TANC1: variants seen among roughly 807,000 people sequenced by gnomAD.
TANC1 encodes tetratricopeptide repeat, ankyrin repeat and coiled-coil containing 1.
In TANC1, 77 loss-of-function variants were observed where a neutral mutation model predicts 149.7. That is an observed-to-expected ratio of 0.51 (90% CI 0.43 to 0.62). The LOEUF is 0.62. Among genes scored for constraint, TANC1 ranks in the 20% least tolerant of loss-of-function variants. TANC1 has a pLI of 0.00. For missense variants in TANC1, 1,985 were observed against 2,321.8 expected, an observed-to-expected ratio of 0.85 and a Z score of 2.98; for synonymous variants, 854 against 925.0, an observed-to-expected ratio of 0.92 and a Z score of 1.39.
chr2:159,144,641 T>G (rs944561928), intron 5 of TANC1, among the ~76,000 whole-genome samples: 1 of 152,188 alleles, frequency 6.6e-6, no homozygotes, highest in Non-Finnish European at 1.5e-5. Flanking sequence ...AGGTGATCCA[T>G]CTGCCTCGGC....
intron 2 of TANC1, among the ~76,000 whole-genome samples, chr2:159,019,990 A>C (rs186292507): frequency 6.2e-4 from 94 of 152,148 alleles, no homozygotes; most frequent in Non-Finnish European, 9.0e-4. Context: ...TTCACAGAAA[A>C]TCTAATTTAA....
At chr2:159,093,404 T>C (rs2149876155) in intron 3 of TANC1, among the ~76,000 whole-genome samples, 1 of 152,358 alleles carries the variant, frequency 6.6e-6, no homozygotes, top group Non-Finnish European at 1.5e-5. Flanking sequence ...ATCTCTGGTG[T>C]CTTGTTGCCC....
At chr2:159,077,772 G>A (rs188173081) in intron 3 of TANC1, among the ~76,000 whole-genome samples, 2 of 152,258 alleles carry the variant, frequency 1.3e-5, no homozygotes. Context: ...CAGTTCTAGA[G>A]TGAATCTCCT....
intron 3 of TANC1, among the ~76,000 whole-genome samples, chr2:159,078,273 T>C (rs2043898582): frequency 6.6e-6 from 1 of 152,252 alleles, no homozygotes; most frequent in African/African-American, 2.4e-5. Context: ...AATTTCTTAC[T>C]CTCTCCTACC....
At chr2:159,028,555 A>C (rs2039535065) in intron 2 of TANC1, among the ~76,000 whole-genome samples, 1 of 152,240 alleles carries the variant, frequency 6.6e-6, no homozygotes, top group South Asian at 2.1e-4. Flanking sequence ...TTACAAAACA[A>C]AACACATGAG....
chr2:159,005,597 T>G (rs1222887835), intron 2 of TANC1, among the ~76,000 whole-genome samples: 1 of 152,042 alleles, frequency 6.6e-6, no homozygotes, highest in African/African-American at 2.4e-5. Flanking sequence ...CAAAAAAAAG[T>G]AAAATTTCTG....
Position 159,224,378 on chromosome 2 carries a change from G to A in TANC1, c.3811+14G>A. The A allele has an allele frequency of 6.2e-7, 1 of 1,614,040 alleles. No homozygotes were observed. The highest frequency in any genetic ancestry group is 8.5e-7 in the Non-Finnish European group (1 of 1,179,994). Reference sequence around the variant, plus strand: ...GAGCCAAGTTAGGTCAGTGAGCACTGCCTCCATTGAGCAGGAGGAGCGGTG... The same window carrying A: ...GAGCCAAGTTAGGTCAGTGAGCACTACCTCCATTGAGCAGGAGGAGCGGTG... On this transcript the variant is annotated intron_variant, in intron 23 of 26. Transcript: ENST00000263635.
At chr2:159,077,087 C>G (rs549755933) in intron 3 of TANC1, among the ~76,000 whole-genome samples, 1 of 151,504 alleles carries the variant, frequency 6.6e-6, no homozygotes, top group African/African-American at 2.4e-5. Flanking sequence ...TAGACAGGGT[C>G]TTGCTTTGTC....
chr2:159,179,187 C>A, intron 14 of TANC1, 24 bp downstream of exon 14: 2 of 1,588,106 alleles, frequency 1.3e-6, no homozygotes, highest in Non-Finnish European at 1.7e-6. Flanking sequence ...TTTCTTTCAG[C>A]TCTTTGCAGG....
At chr2:158,978,132 A>AG (rs1306967658) in intron 1 of TANC1, among the ~76,000 whole-genome samples, 7 of 152,068 alleles carry the variant, frequency 4.6e-5, no homozygotes, top group Non-Finnish European at 8.8e-5. Flanking sequence ...TTTTGATGGT[A>AG]GGGGGTCCTG....
intron 2 of TANC1, among the ~76,000 whole-genome samples, chr2:159,025,367 G>A (rs1226921083): frequency 6.6e-6 from 1 of 151,260 alleles, no homozygotes. Context: ...GTTAACTATA[G>A]CCTTCATACC....
chr2:159,033,087 C>T (rs1319473233), intron 2 of TANC1, among the ~76,000 whole-genome samples: 1 of 152,178 alleles, frequency 6.6e-6, no homozygotes, highest in African/African-American at 2.4e-5. Flanking sequence ...CTGAGCCCTG[C>T]AAAAGGTTCA....
At chr2:159,181,460 G>A (rs13009543) in intron 14 of TANC1, among the ~76,000 whole-genome samples, 2 of 152,044 alleles carry the variant, frequency 1.3e-5, no homozygotes, top group African/African-American at 4.8e-5. Flanking sequence ...ACCTCATCCG[G>A]CTAACTTTTT....
At chr2:159,130,549 C>T (rs1410813945) in intron 4 of TANC1, among the ~76,000 whole-genome samples, 2 of 152,032 alleles carry the variant, frequency 1.3e-5, no homozygotes, top group East Asian at 1.9e-4. Context: ...GTGTGATTGG[C>T]GCTTGGTGAC....
chr2:159,210,788 G>A (rs570038997), intron 19 of TANC1, among the ~76,000 whole-genome samples: 3 of 152,164 alleles, frequency 2.0e-5, no homozygotes, highest in South Asian at 2.1e-4. Flanking sequence ...GAATGGTCTC[G>A]ATCTCTTGAC....
At chr2:159,131,261 A>G (rs552840301) in intron 4 of TANC1, among the ~76,000 whole-genome samples, 22 of 152,306 alleles carry the variant, frequency 1.4e-4, no homozygotes, top group African/African-American at 4.6e-4. Flanking sequence ...AACGGCACTC[A>G]TGAGTTTAGC....
intron 3 of TANC1, among the ~76,000 whole-genome samples, chr2:159,078,276 C>T (rs1215176124): frequency 6.6e-6 from 1 of 152,208 alleles, no homozygotes; most frequent in African/African-American, 2.4e-5. Context: ...TTCTTACTCT[C>T]TCCTACCTGT....
At chr2:159,132,947 G>A (rs2050256171) in intron 4 of TANC1, among the ~76,000 whole-genome samples, 3 of 152,114 alleles carry the variant, frequency 2.0e-5, no homozygotes, top group African/African-American at 7.2e-5. Context: ...GCTTTCTGAA[G>A]GCTCTGGGTG....
chr2:158,975,360 T>A (rs2033521035), intron 1 of TANC1, among the ~76,000 whole-genome samples: 1 of 152,162 alleles, frequency 6.6e-6, no homozygotes, highest in African/African-American at 2.4e-5. Flanking sequence ...ACTGGCCATG[T>A]ACTTAAGGGT....
Sources: gnomAD v4.1 joint callset for allele counts (sites outside exome capture counted in the v4.1 genomes callset) on GRCh38, gnomAD v4.1.1 for gene constraint, MANE v1.5 for transcripts, NCBI Gene and HGNC (gene_info 2026-07-23, HGNC 2026-07-21) for gene names.